Variants in AGBL1 observed in about 807,000 individuals in gnomAD.
AGBL1 encodes the protein cytosolic carboxypeptidase 4.
Under a neutral mutation model 118.9 loss-of-function variants are expected in AGBL1, and 130 were observed. That is an observed-to-expected ratio of 1.09 (90% CI 0.95 to 1.26). AGBL1 has a LOEUF of 1.26. Ranked by LOEUF, AGBL1 falls within the 50% of genes most tolerant of loss-of-function variation. AGBL1 has a pLI of 0.00. For missense variants in AGBL1, 1,584 were observed against 1,298.1 expected (o/e 1.22, Z -3.38); for synonymous variants, 555 against 478.9 (o/e 1.16, Z -2.08).
chr15:86,818,537 C>G (rs2078896970), intron 22 of AGBL1, among the ~76,000 whole-genome samples: 1 of 152,140 alleles, frequency 6.6e-6, no homozygotes, highest in African/African-American at 2.4e-5. Context: ...GGAAAATTGT[C>G]AAATTGTTTT....
At chr15:86,319,290 C>A (rs1171179079) in intron 17 of AGBL1, among the ~76,000 whole-genome samples, 1 of 152,086 alleles carries the variant, frequency 6.6e-6, no homozygotes, top group Non-Finnish European at 1.5e-5. Context: ...AACTTCCTGC[C>A]AGTTGTGAAT....
In AGBL1 at chr15:86,742,896, A is replaced by G. The variant is rs527649653; in HGVS notation, c.3158+68460A>G. Among the ~76,000 whole-genome samples the G allele has an allele frequency of 5.0e-4, 76 of 152,306 alleles. No individual in the cohort carries two copies. In the Middle Eastern group the frequency reaches 0.017, roughly 34 times the overall value. ...GTAGCTTAGTTCAGCAAATAATGAGAAAACCAAACTGAAAATCAACATACT... is the reference window on the plus strand; with the variant it reads ...GTAGCTTAGTTCAGCAAATAATGAGGAAACCAAACTGAAAATCAACATACT... On this transcript the variant is annotated intron_variant, in intron 22 of 22. Transcript: ENST00000614907.
chr15:86,476,334 C>A (rs1252356639), intron 18 of AGBL1, among the ~76,000 whole-genome samples: 1 of 152,016 alleles, frequency 6.6e-6, no homozygotes, highest in East Asian at 1.9e-4. Context: ...TTCAGGAGAC[C>A]CATCTCAAGT....
At position 86,436,370 on chromosome 15, in the gene AGBL1, G is replaced by A. The variant is rs1408604936; in HGVS notation, c.2555+38824G>A. On this transcript the variant is annotated intron_variant, in intron 18 of 22. Coordinates refer to ENST00000614907, the MANE Select transcript of AGBL1 (RefSeq NM_001386094.1). ...AAATAATGAAAGAGGTAAATGTGGA[G>A]AATGATAAAATTAAGCTAAGGAAAA... Among the ~76,000 whole-genome samples, 4 of 151,728 alleles carry A rather than the reference G, an allele frequency of 2.6e-5. No individual in the cohort carries two copies. The South Asian group carries it at 8.3e-4, about 32-fold the overall frequency.
intron 15 of AGBL1, among the ~76,000 whole-genome samples, chr15:86,275,051 C>G (rs1360884384): frequency 1.3e-5 from 2 of 152,100 alleles, no homozygotes. Context: ...TAAAAGTAAG[C>G]AAGGGCCCTT....
At position 86,262,833 on chromosome 15, in the gene AGBL1, G is replaced by T; in HGVS notation, c.1025G>T (p.Arg342Leu). Residue 342 changes from arginine (R) to leucine (L), a missense_variant, in exon 10 of 23, where the codon CGA (arginine) becomes CTA (leucine). Coordinates refer to ENST00000614907, the MANE Select transcript of AGBL1 (RefSeq NM_001386094.1). ...NKLSSKPGLD[R>L]PEEELMQYEV... Reference sequence around the variant, plus strand: ...CTGAGTTCCAAACCTGGTCTTGACCGACCTGAAGAGGAACTGATGCAATAT... The same window carrying T: ...CTGAGTTCCAAACCTGGTCTTGACCTACCTGAAGAGGAACTGATGCAATAT... 1 of 1,611,264 alleles carries T rather than the reference G, an allele frequency of 6.2e-7. No individual in the cohort carries two copies.
intron 19 of AGBL1, among the ~76,000 whole-genome samples, chr15:86,530,220 C>T (rs150175871): frequency 7.3e-6 from 1 of 137,864 alleles, no homozygotes; most frequent in Non-Finnish European, 1.5e-5. Context: ...ACCCATCTCA[C>T]GTGCAGAGAC....
intron 23 of AGBL1, among the ~76,000 whole-genome samples, chr15:86,921,524 C>T (rs373183297): frequency 6.6e-6 from 1 of 152,202 alleles, no homozygotes; most frequent in Non-Finnish European, 1.5e-5. Context: ...TATCAGGTTG[C>T]TCACTTACTT....
chr15:86,404,731 T>C (rs1230414140), intron 18 of AGBL1, among the ~76,000 whole-genome samples: 3 of 152,228 alleles, frequency 2.0e-5, no homozygotes, highest in African/African-American at 7.2e-5. Context: ...CATGGGATTA[T>C]GCAGATAATC....
chr15:86,099,540 A>ATTTT (rs539242604), intron 1 of AGBL1, among the ~76,000 whole-genome samples: 1 of 130,638 alleles, frequency 7.7e-6, no homozygotes, highest in Non-Finnish European at 1.7e-5. Flanking sequence ...GTGGATGCCT[A>ATTTT]TTTTTTTTTT....
chr15:86,113,497 G>T (rs1459605176), intron 1 of AGBL1, among the ~76,000 whole-genome samples: 1 of 151,728 alleles, frequency 6.6e-6, no homozygotes, highest in African/African-American at 2.4e-5. Context: ...TGTTGGCCAG[G>T]CTGGTCTCGA....
intron 21 of AGBL1, among the ~76,000 whole-genome samples, chr15:86,584,589 C>T (rs1643048910): frequency 6.6e-6 from 1 of 151,984 alleles, no homozygotes; most frequent in African/African-American, 2.4e-5. Flanking sequence ...TATAAATTTA[C>T]AGTACAGTAT....
chr15:86,157,593 A>G (rs924532801), intron 4 of AGBL1, among the ~76,000 whole-genome samples: 2 of 152,170 alleles, frequency 1.3e-5, no homozygotes, highest in Non-Finnish European at 2.9e-5. Context: ...ACTGTTCCAT[A>G]AGGTATTTAA....
At chr15:86,853,519 A>T (rs2079435513) in intron 22 of AGBL1, among the ~76,000 whole-genome samples, 1 of 152,158 alleles carries the variant, frequency 6.6e-6, no homozygotes, top group African/African-American at 2.4e-5. Flanking sequence ...AACTTACCCA[A>T]TGTTGCCCAG....
intron 23 of AGBL1, among the ~76,000 whole-genome samples, chr15:86,945,244 T>TAAAAAAAAAAAAAAAAAAAAAAAAAAA (rs11326362): frequency 4.2e-5 from 3 of 70,790 alleles, no homozygotes; most frequent in Non-Finnish European, 5.3e-5. Flanking sequence ...ACCCCATCAC[T>TAAAAAAAAAAAAAAAAAAAAAAAAAAA]AAAAAAAAAA....
At chr15:86,252,450 G>T (rs2078831366) in intron 7 of AGBL1, among the ~76,000 whole-genome samples, 1 of 152,170 alleles carries the variant, frequency 6.6e-6, no homozygotes, top group South Asian at 2.1e-4. Flanking sequence ...AGATGTTGGG[G>T]CTGGGTTCTA....
intron 17 of AGBL1, among the ~76,000 whole-genome samples, chr15:86,341,809 A>T (rs2080465496): frequency 6.6e-6 from 1 of 152,142 alleles, no homozygotes; most frequent in African/African-American, 2.4e-5. Flanking sequence ...GTTACTTGTG[A>T]GTAGGCCACT....
intron 18 of AGBL1, among the ~76,000 whole-genome samples, chr15:86,432,546 C>T (rs769850038): frequency 5.9e-5 from 9 of 152,166 alleles, no homozygotes; most frequent in Admixed American, 2.0e-4. Context: ...TATATCAATA[C>T]GACTTATCAC....
At chr15:86,679,681 C>T (rs759660271) in intron 22 of AGBL1, among the ~76,000 whole-genome samples, 17 of 151,976 alleles carry the variant, frequency 1.1e-4, no homozygotes, top group Non-Finnish European at 2.4e-4. Flanking sequence ...AGTGAAATGG[C>T]TCTTGGTTTG....
Sources: allele counts gnomAD v4.1 joint callset (sites outside exome capture counted in the v4.1 genomes callset), GRCh38; gene constraint gnomAD v4.1.1; transcripts MANE v1.5; gene names NCBI Gene and HGNC (gene_info 2026-07-23, HGNC 2026-07-21).